The following STAT5B variants were observed in gnomAD, a reference collection of about 807,000 sequenced individuals.
STAT5B encodes transcription factor STAT5B.
STAT5B carries 21 observed loss-of-function variants against 107.8 expected under a neutral mutation model. The ratio of observed to expected loss-of-function variants is 0.19; its 90% confidence interval spans 0.14 to 0.28. The LOEUF (loss-of-function observed/expected upper bound fraction) is 0.28. Ranked by LOEUF, STAT5B falls within the 10% of genes least tolerant of loss-of-function variation. The pLI, the probability that STAT5B is intolerant of heterozygous loss-of-function variation, is 1.00. For synonymous variants in STAT5B, 325 were observed against 401.7 expected (o/e 0.81, Z 2.28); for missense variants, 565 against 1,008.2 (o/e 0.56, Z 5.95).
intron 1 of STAT5B, among the ~76,000 whole-genome samples, chr17:42,247,055 T>C (rs141729228): frequency 6.6e-6 from 1 of 152,168 alleles, no homozygotes. Context: ...GGGTTTGTAT[T>C]CCCCCTGGAT....
At chr17:42,212,563 G>C (rs1388327893) in intron 12 of STAT5B, among the ~76,000 whole-genome samples, 1 of 152,216 alleles carries the variant, frequency 6.6e-6, no homozygotes, top group Admixed American at 6.5e-5. Context: ...CAAACAGAGA[G>C]AGTGTGCGTA....
At chr17:42,248,960 C>T (rs1422193891) in intron 1 of STAT5B, among the ~76,000 whole-genome samples, 2 of 152,138 alleles carry the variant, frequency 1.3e-5, no homozygotes, top group African/African-American at 2.4e-5. Flanking sequence ...CTTGACTGAA[C>T]GAAGGGCAGT....
chr17:42,284,305 T>A, the STAT5B span, among the ~76,000 whole-genome samples: 1 of 151,938 alleles, frequency 6.6e-6, no homozygotes, highest in Non-Finnish European at 1.5e-5. Context: ...TCGCTTTTGT[T>A]GCCCAGGCTG....
chr17:42,249,506 TAA>T (rs1450972899), intron 1 of STAT5B, among the ~76,000 whole-genome samples: 2 of 152,092 alleles, frequency 1.3e-5, no homozygotes, highest in Non-Finnish European at 2.9e-5. Flanking sequence ...ATTCTCAAAA[TAA>T]AGTCAAGTCA....
intron 12 of STAT5B, among the ~76,000 whole-genome samples, chr17:42,215,781 G>C (rs1343090815): frequency 1.3e-5 from 2 of 152,058 alleles, no homozygotes; most frequent in African/African-American, 2.4e-5. Context: ...ACCACACCCA[G>C]CTAATTTTTC....
At chr17:42,214,751 A>C (rs2080156850) in intron 12 of STAT5B, 1 of 769,406 alleles carries the variant, frequency 1.3e-6, no homozygotes, top group Non-Finnish European at 1.6e-6. Context: ...TTGCCTACTA[A>C]AAAAATTTTT....
chr17:42,202,593 G>T, intron 17 of STAT5B, 146 bp from the exon 18 acceptor site: 1 of 1,429,742 alleles, frequency 7.0e-7, no homozygotes, highest in South Asian at 1.2e-5. Flanking sequence ...CTACAGGAGT[G>T]GGGCCTCAGG....
chr17:42,253,512 A>G (rs2080516987), intron 1 of STAT5B, among the ~76,000 whole-genome samples: 1 of 152,226 alleles, frequency 6.6e-6, no homozygotes, highest in Non-Finnish European at 1.5e-5. Flanking sequence ...TGGGAGATGT[A>G]GGGGCAGGGC....
chr17:42,210,772 G>A lies in STAT5B; in HGVS notation c.1681-275C>T, dbSNP rs150571091. 3.9e-3 allele frequency among the ~76,000 whole-genome samples: 592 copies of A among 152,288 alleles called. 5 individuals are homozygous for A. Among genetic ancestry groups the A allele is most frequent in the African/African-American group, 0.014 (564 of 41,558 alleles). ...GGCTGACCCGTCCCTTGCTAGTTTC[G>A]ATGTGTGGTCTGTGACCAGAAGCAT... On this transcript the variant is annotated intron_variant, in intron 13 of 18. Transcript: ENST00000293328.
intron 15 of STAT5B, among the ~76,000 whole-genome samples, chr17:42,208,976 G>A (rs1479942856): frequency 2.0e-5 from 3 of 151,214 alleles, no homozygotes; most frequent in Admixed American, 2.0e-4. Flanking sequence ...CTCATGATCC[G>A]CCTGCCTTGG....
At chr17:42,224,398 G>C (rs1458305949) in intron 4 of STAT5B, among the ~76,000 whole-genome samples, 1 of 151,564 alleles carries the variant, frequency 6.6e-6, no homozygotes, top group African/African-American at 2.4e-5. Context: ...TGAGTGCAGG[G>C]GTGCGATCAT....
At chr17:42,225,932 A>AATT (rs1491311310) in intron 3 of STAT5B, among the ~76,000 whole-genome samples, 2 of 151,910 alleles carry the variant, frequency 1.3e-5, no homozygotes, top group South Asian at 2.1e-4. Flanking sequence ...GGGGTACATG[A>AATT]ATTATTATTA....
chr17:42,250,999 TATA>T (rs2080494866), intron 1 of STAT5B, among the ~76,000 whole-genome samples: 1 of 151,678 alleles, frequency 6.6e-6, no homozygotes. Context: ...TTAACTCCTT[TATA>T]ACACGAGCCA....
Position 42,201,128 on chromosome 17 carries a change from C to T in STAT5B, c.*610G>A. The T allele has an allele frequency of 4.9e-6, 2 of 406,540 alleles. No homozygotes were observed. Among genetic ancestry groups the T allele is most frequent in the Non-Finnish European group, 4.3e-6 (1 of 230,612 alleles). The allele number at this position is 406,540 out of a possible 1,614,324, so 25.2% of individuals were successfully genotyped here. On this transcript the variant is annotated 3_prime_UTR_variant, in exon 19 of 19. Transcript: ENST00000293328. ...GCCCATCCGAAAGCTTGTGACTTCC[C>T]TTGCCCCAACAATCTTTGTAGGTTG...
intron 1 of STAT5B, among the ~76,000 whole-genome samples, chr17:42,265,678 T>C (rs927296455): frequency 6.6e-6 from 1 of 152,126 alleles, no homozygotes; most frequent in Non-Finnish European, 1.5e-5. Flanking sequence ...AAGCTCTCAA[T>C]ACATGTATCA....
At chr17:42,283,544 C>A in the STAT5B span, among the ~76,000 whole-genome samples, 3 of 152,230 alleles carry the variant, frequency 2.0e-5, no homozygotes, top group Non-Finnish European at 4.4e-5. Flanking sequence ...ACACCCTTCC[C>A]CTCATGCTAT....
intron 1 of STAT5B, among the ~76,000 whole-genome samples, chr17:42,248,256 C>G (rs935486305): frequency 1.6e-4 from 18 of 110,498 alleles, no homozygotes; most frequent in East Asian, 5.8e-4. Context: ...GCCTGGGTGA[C>G]ATTGTAAGAT....
In STAT5B at chr17:42,217,929, C is replaced by T. The variant is rs1037225714; in HGVS notation, c.1169+222G>A. 4.4e-6 allele frequency: 3 copies of T among 682,958 alleles called. No individual in the cohort carries two copies. The African/African-American group carries it at 5.4e-5, about 12-fold the overall frequency. 42.3% of individuals were successfully genotyped at this position (682,958 alleles called of 1,614,324 possible). A position where few individuals can be genotyped will look rare whatever the true frequency, so the allele number is the denominator to read the frequency against. On this transcript the variant is annotated intron_variant, in intron 9 of 18. Transcript: ENST00000293328. ...CCATGTTGGCCAGGCTGGTCTTGAA[C>T]TCCTGACCTCAGGTGATCTGCCCAC... is the stretch of plus-strand genomic sequence containing the variant.
At chr17:42,249,042 G>C (rs530346758) in intron 1 of STAT5B, among the ~76,000 whole-genome samples, 1 of 152,266 alleles carries the variant, frequency 6.6e-6, no homozygotes, top group Admixed American at 6.5e-5. Context: ...ATGAAGAAAA[G>C]GTCAGGACTG....
Sources: allele counts gnomAD v4.1 joint callset (sites outside exome capture counted in the v4.1 genomes callset), GRCh38; gene constraint gnomAD v4.1.1; transcripts MANE v1.5; gene names NCBI Gene and HGNC (gene_info 2026-07-23, HGNC 2026-07-21).